Variants in TMEM132D observed in about 807,000 individuals in gnomAD.
The protein encoded by TMEM132D is mature OL transmembrane protein.
In TMEM132D, 21 loss-of-function variants were observed where a neutral mutation model predicts 62.3. The observed-to-expected ratio is 0.34, with a 90% CI of 0.24 to 0.49. TMEM132D has a LOEUF of 0.49. Among genes scored for constraint, TMEM132D ranks in the 20% least tolerant of loss-of-function variants. The pLI is 0.99. For synonymous variants in TMEM132D, 621 were observed against 575.6 expected, an observed-to-expected ratio of 1.08 and a Z score of -1.13; for missense variants, 1,346 against 1,402.8, an observed-to-expected ratio of 0.96 and a Z score of 0.65.
intron 5 of TMEM132D, among the ~76,000 whole-genome samples, chr12:129,117,129 A>T (rs543306105): frequency 6.6e-6 from 1 of 152,144 alleles, no homozygotes; most frequent in Non-Finnish European, 1.5e-5. Context: ...CCTTAAATAC[A>T]TATTACCAAG....
intron 5 of TMEM132D, among the ~76,000 whole-genome samples, chr12:129,178,926 C>A (rs1307240442): frequency 6.6e-6 from 1 of 152,142 alleles, no homozygotes; most frequent in Admixed American, 6.6e-5. Flanking sequence ...ACTTGTGCAG[C>A]GGGGCTTTTG....
At chr12:129,805,572 C>A (rs1249672717) in intron 1 of TMEM132D, among the ~76,000 whole-genome samples, 3 of 152,012 alleles carry the variant, frequency 2.0e-5, no homozygotes, top group Non-Finnish European at 4.4e-5. Context: ...CATGTTAGAC[C>A]TAAAACCATA....
At chr12:129,477,305 C>G (rs1025501341) in intron 3 of TMEM132D, among the ~76,000 whole-genome samples, 1 of 152,050 alleles carries the variant, frequency 6.6e-6, no homozygotes, top group African/African-American at 2.4e-5. Context: ...CCTTTAAGAC[C>G]CCCCTCCTCA....
At chr12:129,902,235 G>GT (rs1167682898) in intron 1 of TMEM132D, among the ~76,000 whole-genome samples, 1 of 152,208 alleles carries the variant, frequency 6.6e-6, no homozygotes, top group Non-Finnish European at 1.5e-5. Flanking sequence ...GACTTTGTGC[G>GT]TGATAATTGG....
At chr12:129,774,647 A>T (rs1229322253) in intron 1 of TMEM132D, among the ~76,000 whole-genome samples, 2 of 152,256 alleles carry the variant, frequency 1.3e-5, no homozygotes, top group Non-Finnish European at 2.9e-5. Context: ...GCAGAAACTA[A>T]GACCAAGTCT....
At chr12:129,889,750 T>G (rs1204029403) in intron 1 of TMEM132D, among the ~76,000 whole-genome samples, 1 of 152,152 alleles carries the variant, frequency 6.6e-6, no homozygotes. Flanking sequence ...AGGACAGTAG[T>G]CCAGAGGCCT....
intron 3 of TMEM132D, among the ~76,000 whole-genome samples, chr12:129,490,532 C>G (rs1874745777): frequency 6.8e-6 from 1 of 146,134 alleles, no homozygotes; most frequent in African/African-American, 2.5e-5. Flanking sequence ...GGGTTCACGC[C>G]ATTCTCCTGC....
chr12:129,718,906 C>G (rs569161615), intron 1 of TMEM132D, among the ~76,000 whole-genome samples: 4 of 152,060 alleles, frequency 2.6e-5, no homozygotes, highest in African/African-American at 9.6e-5. Context: ...ATTATTAATA[C>G]TAATATTTTC....
At chr12:129,829,990 A>C (rs1480717010) in intron 1 of TMEM132D, among the ~76,000 whole-genome samples, 1 of 152,142 alleles carries the variant, frequency 6.6e-6, no homozygotes, top group Non-Finnish European at 1.5e-5. Context: ...GTGAAAAAGA[A>C]TCTAGAGTGT....
Position 129,354,315 on chromosome 12 carries a change from G to GTATATATATATA in TMEM132D, c.1116-16510_1116-16499dup, listed in dbSNP as rs35875993. Among the ~76,000 whole-genome samples the GTATATATATATA allele has an allele frequency of 1.5e-3, 215 of 148,026 alleles. 3 individuals are homozygous for GTATATATATATA. Among genetic ancestry groups the GTATATATATATA allele is most frequent in the African/African-American group, 5.1e-3 (202 of 39,698 alleles). On this transcript the variant is annotated intron_variant, in intron 3 of 8. Transcript: ENST00000422113. ...TGATGCAAAAACTAAACTTTATTGG[G>GTATATATATATA]TATATATATATATATATACATATTT...
chr12:129,274,755 C>T (rs1307191250), intron 4 of TMEM132D, among the ~76,000 whole-genome samples: 4 of 151,980 alleles, frequency 2.6e-5, no homozygotes, highest in African/African-American at 9.7e-5. Context: ...GGCGTGGTGG[C>T]GGGCGCCTGT....
At chr12:129,453,261 A>C (rs909218729) in intron 3 of TMEM132D, among the ~76,000 whole-genome samples, 3 of 152,144 alleles carry the variant, frequency 2.0e-5, no homozygotes, top group African/African-American at 7.2e-5. Context: ...GTTTTAGATG[A>C]TCTAAGAAGG....
chr12:129,514,742 T>C (rs1450851454), intron 3 of TMEM132D, among the ~76,000 whole-genome samples: 1 of 152,214 alleles, frequency 6.6e-6, no homozygotes, highest in African/African-American at 2.4e-5. Flanking sequence ...TCATTGATGT[T>C]TAAGATGGTT....
Position 129,261,161 on chromosome 12 carries a change from T to A in TMEM132D, c.1300-51498A>T, listed in dbSNP as rs186480300. Reference sequence around the variant, plus strand: ...AAAAGGGTTCTAAGTGAGATTTTTTTAAAAGGGCTGTTTATTAGTTTGCTA... The same window carrying A: ...AAAAGGGTTCTAAGTGAGATTTTTTAAAAAGGGCTGTTTATTAGTTTGCTA... On this transcript the variant is annotated intron_variant, in intron 4 of 8. Transcript: ENST00000422113. Among the ~76,000 whole-genome samples the A allele has an allele frequency of 9.2e-3, 1,407 of 152,228 alleles. 15 individuals carry two copies. The highest frequency in any genetic ancestry group is 0.029 in the African/African-American group (1,194 of 41,560).
chr12:129,832,660 A>G (rs1405677572), intron 1 of TMEM132D, among the ~76,000 whole-genome samples: 1 of 152,134 alleles, frequency 6.6e-6, no homozygotes, highest in Non-Finnish European at 1.5e-5. Context: ...TCTGCCCGGC[A>G]GGTGAAGGGC....
chr12:129,209,643 T>A lies in TMEM132D; in HGVS notation c.1320A>T (p.Thr440=), dbSNP rs774137704. The change falls in exon 5 of 9, where the codon ACA becomes ACT. Residue 440 remains threonine, a synonymous_variant. Coordinates refer to ENST00000422113, the MANE Select transcript of TMEM132D (RefSeq NM_133448.3). ...PLAMEAEILN[T]AILTGKTVAV... ...CCACCGTCTTCCCCGTGAGGATGGC[T>A]GTGTTCAGGATTTCTGCCTCCTGGA... The A allele has an allele frequency of 6.2e-7, 1 of 1,614,178 alleles. No individual in the cohort carries two copies. Among genetic ancestry groups the A allele is most frequent in the Non-Finnish European group, 8.5e-7 (1 of 1,180,038 alleles).
chr12:129,887,311 C>T (rs1874781002), intron 1 of TMEM132D, among the ~76,000 whole-genome samples: 1 of 152,152 alleles, frequency 6.6e-6, no homozygotes, highest in Admixed American at 6.5e-5. Flanking sequence ...CTGCTCCTAC[C>T]TCCAGAGAAG....
chr12:129,673,212 ATATT>A (rs1320113772), intron 2 of TMEM132D, among the ~76,000 whole-genome samples: 3 of 152,226 alleles, frequency 2.0e-5, no homozygotes, highest in African/African-American at 7.2e-5. Context: ...CCATTACTAT[ATATT>A]AACTCTTCCA....
At chr12:129,135,255 A>G (rs1228401789) in intron 5 of TMEM132D, among the ~76,000 whole-genome samples, 2 of 152,186 alleles carry the variant, frequency 1.3e-5, no homozygotes, top group Non-Finnish European at 2.9e-5. Flanking sequence ...AAACCAACAT[A>G]TTCCCTTTTT....
Sources: allele counts gnomAD v4.1 joint callset (sites outside exome capture counted in the v4.1 genomes callset), GRCh38; gene constraint gnomAD v4.1.1; transcripts MANE v1.5; gene names NCBI Gene and HGNC (gene_info 2026-07-23, HGNC 2026-07-21).